MARK4: variants seen among roughly 807,000 people sequenced by gnomAD.
The protein encoded by MARK4 is MAP/microtubule affinity-regulating kinase 4.
Under a neutral mutation model 81.5 loss-of-function variants are expected in MARK4, and 19 were observed. The observed-to-expected ratio is 0.23, with a 90% CI of 0.16 to 0.34. The LOEUF (loss-of-function observed/expected upper bound fraction) is 0.34, where lower values mean the gene tolerates loss of function less well. MARK4 is among the 10% of genes least tolerant of loss of function. The pLI is 1.00. For synonymous variants in MARK4, 436 were observed against 439.0 expected (o/e 0.99, Z 0.08); for missense variants, 772 against 1,058.8 (o/e 0.73, Z 3.76).
intron 8 of MARK4, among the ~76,000 whole-genome samples, chr19:45,273,539 G>A (rs1012322786): frequency 1.3e-5 from 2 of 152,094 alleles, no homozygotes; most frequent in African/African-American, 4.8e-5. Flanking sequence ...GGATCCACTC[G>A]GGTCCCTGCG....
At chr19:45,272,982 A>G (rs990946498) in intron 8 of MARK4, among the ~76,000 whole-genome samples, 1 of 152,218 alleles carries the variant, frequency 6.6e-6, no homozygotes, top group Non-Finnish European at 1.5e-5. Flanking sequence ...TTCAAACAAA[A>G]CAGTTCCTGT....
chr19:45,287,579 C>T lies in MARK4; in HGVS notation c.1409C>T (p.Pro470Leu). ...GCGGGGAGTGGGAGTCGAGGGCTGC[C>T]CCCCTCCAGCCCCATGGTCAGCAGC... ...STAGSGSRGL[P>L]PSSPMVSSAH... Residue 470 changes from proline (P) to leucine (L), a missense_variant, in exon 13 of 17, where the codon CCC becomes CTC. Pro to Leu is a moderately conservative substitution (Grantham distance 98). Transcript: ENST00000262891. 1.9e-6 allele frequency: 3 copies of T among 1,595,998 alleles called. No homozygotes were observed. The highest frequency in any genetic ancestry group is 1.7e-6 in the Non-Finnish European group (2 of 1,168,918).
intron 7 of MARK4, among the ~76,000 whole-genome samples, chr19:45,267,130 C>G (rs1376302471): frequency 2.6e-5 from 4 of 152,092 alleles, no homozygotes. Flanking sequence ...CCCATCTCAG[C>G]TCGCTGCAAC....
At chr19:45,258,382 C>T (rs1970336700) in intron 1 of MARK4, among the ~76,000 whole-genome samples, 1 of 152,086 alleles carries the variant, frequency 6.6e-6, no homozygotes, top group African/African-American at 2.4e-5. Flanking sequence ...TGGAACCAAA[C>T]TTGCGATATC....
In MARK4 at chr19:45,298,056, TTCC is replaced by T. The variant is rs899485970; in HGVS notation, c.1877+120_1877+122del. 9,071 of 1,306,246 alleles carry T rather than the reference TTCC, an allele frequency of 6.9e-3. 3 individuals carry two copies. Among genetic ancestry groups the T allele is most frequent in the Non-Finnish European group, 7.9e-3 (7,593 of 955,986 alleles). The allele number at this position is 1,306,246 out of a possible 1,614,324, so 80.9% of individuals were successfully genotyped here. A position where few individuals can be genotyped will look rare whatever the true frequency, so the allele number is the denominator to read the frequency against. ...GTCTCCTGTACCCCAACATTTCCTC[TTCC>T]TCCTCCTCCTCCTCCTCGTTTCCTC... On this transcript the variant is annotated intron_variant, in intron 15 of 16. Coordinates refer to ENST00000262891, the MANE Select transcript of MARK4 (RefSeq NM_001199867.2).
intron 13 of MARK4, among the ~76,000 whole-genome samples, chr19:45,293,207 A>G (rs913506345): frequency 5.3e-5 from 8 of 152,168 alleles, no homozygotes; most frequent in African/African-American, 1.9e-4. Flanking sequence ...TGGAGGTTGC[A>G]GTGAGCTGAG....
intron 4 of MARK4, 44 bp from the exon 5 acceptor site, chr19:45,264,640 G>A (rs768472342): frequency 6.3e-7 from 1 of 1,585,362 alleles, no homozygotes; most frequent in Non-Finnish European, 8.7e-7. Flanking sequence ...GGTTAGGAGG[G>A]GCCCTTTCTC....
chr19:45,253,421 C>G (rs192400241), intron 1 of MARK4, among the ~76,000 whole-genome samples: 136 of 152,308 alleles, frequency 8.9e-4, no homozygotes, highest in African/African-American at 3.2e-3. Flanking sequence ...CTTGTGTCCT[C>G]AGACAACCAG....
chr19:45,254,051 C>T (rs1482978136), intron 1 of MARK4, among the ~76,000 whole-genome samples: 1 of 152,164 alleles, frequency 6.6e-6, no homozygotes, highest in Non-Finnish European at 1.5e-5. Context: ...ACTTGCCTGC[C>T]TCTGGAATGG....
Position 45,251,581 on chromosome 19 carries a change from C to T in MARK4, c.-8C>T, listed in dbSNP as rs1457357622. 7.2e-6 allele frequency: 10 copies of T among 1,387,198 alleles called. No homozygotes were observed. The highest frequency in any genetic ancestry group is 8.4e-6 in the Non-Finnish European group (9 of 1,066,986). The allele number at this position is 1,387,198 out of a possible 1,614,324, so 85.9% of individuals were successfully genotyped here. ...CCGGCCGCCCCTGCCCCCCGGGACC[C>T]GGAGAAGATGTCTTCGCGGACGGTG... On this transcript the variant is annotated 5_prime_UTR_variant, in exon 1 of 17. Coordinates refer to ENST00000262891, the MANE Select transcript of MARK4 (RefSeq NM_001199867.2).
At chr19:45,261,794 A>G (rs11881706) in intron 2 of MARK4, among the ~76,000 whole-genome samples, 77,759 of 151,892 alleles carry the variant, frequency 0.51, 21,248 homozygotes, top group Non-Finnish European at 0.62. Context: ...TTAGCCAGGC[A>G]TGGTGACGCA....
At position 45,271,385 on chromosome 19, in the gene MARK4, A is replaced by C; in HGVS notation, c.550-87A>C. Reference sequence around the variant, plus strand: ...GAGTTGATCCCTGTGGGCCAGCCCTAGAGCCTGTGCTCCTGTCTGCCTCCC... The same window carrying C: ...GAGTTGATCCCTGTGGGCCAGCCCTCGAGCCTGTGCTCCTGTCTGCCTCCC... On this transcript the variant is annotated intron_variant, in intron 7 of 16. Transcript: ENST00000262891. The surrounding 1 kb of genome is among the most constrained non-coding windows in gnomAD (Gnocchi z 4.1). 7.4e-7 allele frequency: 1 copy of C among 1,343,104 alleles called. No individual in the cohort carries two copies. Among genetic ancestry groups the C allele is most frequent in the Non-Finnish European group, 1.1e-6 (1 of 952,058 alleles). The allele number at this position is 1,343,104 out of a possible 1,614,324, so 83.2% of individuals were successfully genotyped here.
chr19:45,282,718 G>A (rs1400872579), intron 12 of MARK4, among the ~76,000 whole-genome samples: 5 of 152,082 alleles, frequency 3.3e-5, no homozygotes, highest in African/African-American at 4.8e-5. Flanking sequence ...CCAGCTACTC[G>A]GGAGGCTGAG....
In MARK4 at chr19:45,305,077, A is replaced by G. The variant is rs1971032987; in HGVS notation, c.*2367A>G. ...GAAGTTGACAGGTCAGAAGATCAGGAAAGAGGTCGGGGCTGGACAGATGGG... is the reference window on the plus strand; with the variant it reads ...GAAGTTGACAGGTCAGAAGATCAGGGAAGAGGTCGGGGCTGGACAGATGGG... On this transcript the variant is annotated 3_prime_UTR_variant, in exon 17 of 17. Transcript: ENST00000262891. The G allele has an allele frequency of 1.3e-5, 2 of 152,494 alleles. No homozygotes were observed. Among genetic ancestry groups the G allele is most frequent in the African/African-American group, 4.8e-5 (2 of 41,440 alleles). 9.4% of individuals were successfully genotyped at this position (152,494 alleles called of 1,614,324 possible).
intron 2 of MARK4, 68 bp downstream of exon 2, chr19:45,259,257 T>A: frequency 6.4e-7 from 1 of 1,556,902 alleles, no homozygotes; most frequent in Non-Finnish European, 8.7e-7. Context: ...TGTATGTTGA[T>A]AGAGGTCAGG....
chr19:45,259,379 T>G (rs556896520), intron 2 of MARK4, among the ~76,000 whole-genome samples, 190 bp downstream of exon 2: 1 of 152,308 alleles, frequency 6.6e-6, no homozygotes, highest in East Asian at 1.9e-4. Flanking sequence ...GAGAACTAAT[T>G]TCATGTATCC....
At chr19:45,298,042 C>A (rs1470044717) in intron 15 of MARK4, 88 bp downstream of exon 15, 1 of 1,551,124 alleles carries the variant, frequency 6.4e-7, no homozygotes, top group African/African-American at 1.4e-5. Context: ...TCTCCTGTAC[C>A]CCAACATTTC....
Position 45,290,786 on chromosome 19 carries a change from G to T in MARK4, c.1494+3122G>T, listed in dbSNP as rs28733168. 8.2e-3 allele frequency among the ~76,000 whole-genome samples: 1,253 copies of T among 152,262 alleles called. 9 individuals are homozygous for T. The highest frequency in any genetic ancestry group is 0.029 in the African/African-American group (1,191 of 41,538). Reference sequence around the variant, plus strand: ...GTTTGGTTTGGCTAGCTGTGACCCTGCCACCACCTGTGAGGACTGCTAGTC... The same window carrying T: ...GTTTGGTTTGGCTAGCTGTGACCCTTCCACCACCTGTGAGGACTGCTAGTC... On this transcript the variant is annotated intron_variant, in intron 13 of 16. Transcript: ENST00000262891.
chr19:45,263,485 TA>T, intron 4 of MARK4, 118 bp downstream of exon 4: 4 of 1,287,388 alleles, frequency 3.1e-6, no homozygotes, highest in Non-Finnish European at 4.4e-6. Flanking sequence ...CTCACTCCTG[TA>T]ATCCCAGCAC....
Sources: allele counts gnomAD v4.1 joint callset (sites outside exome capture counted in the v4.1 genomes callset), GRCh38; gene constraint gnomAD v4.1.1; non-coding constraint Gnocchi (gnomAD v3.1); transcripts MANE v1.5; gene names NCBI Gene and HGNC (gene_info 2026-07-23, HGNC 2026-07-21).